Variants in COMMD1 observed in about 807,000 individuals in gnomAD.
The protein encoded by COMMD1 is COMM domain-containing protein 1.
A neutral mutation model predicts 17.2 loss-of-function variants in COMMD1; 10 were observed. The observed-to-expected ratio is 0.58, with a 90% CI of 0.36 to 0.99. The LOEUF (loss-of-function observed/expected upper bound fraction) is 0.99, where lower values mean the gene tolerates loss of function less well. Ranked by LOEUF, COMMD1 falls within the 50% of genes least tolerant of loss-of-function variation. COMMD1 has a pLI of 0.01. For synonymous variants in COMMD1, 97 were observed against 91.6 expected (o/e 1.06, Z -0.34); for missense variants, 270 against 231.8 (o/e 1.17, Z -1.07).
intron 2 of COMMD1, among the ~76,000 whole-genome samples, chr2:62,065,521 CAT>C (rs924891986): frequency 1.3e-5 from 2 of 151,668 alleles, no homozygotes; most frequent in African/African-American, 4.8e-5. Flanking sequence ...GACACAGTCT[CAT>C]ATGTTGCCCA....
intron 2 of COMMD1, among the ~76,000 whole-genome samples, chr2:62,100,010 G>A (rs990189260): frequency 6.6e-6 from 1 of 151,998 alleles, no homozygotes; most frequent in Non-Finnish European, 1.5e-5. Flanking sequence ...AGCCAATTGA[G>A]ATTAATTTTG....
intron 1 of COMMD1, among the ~76,000 whole-genome samples, chr2:61,957,421 C>T (rs940018603): frequency 5.3e-5 from 8 of 152,240 alleles, no homozygotes; most frequent in Non-Finnish European, 1.2e-4. Context: ...GAATAAAGTC[C>T]TATCTTTTCC....
chr2:62,019,023 T>TTCCCTCCCTCCCTCCCTCCCTCCC lies in COMMD1; in HGVS notation c.462+18064_462+18065insCTCCCTCCCTCCCTCCCTCCCTCC, dbSNP rs201583202. Among the ~76,000 whole-genome samples the TTCCCTCCCTCCCTCCCTCCCTCCC allele has an allele frequency of 1.3e-3, 168 of 129,398 alleles. 3 individuals are homozygous for TTCCCTCCCTCCCTCCCTCCCTCCC. Among genetic ancestry groups the TTCCCTCCCTCCCTCCCTCCCTCCC allele is most frequent in the African/African-American group, 4.9e-3 (128 of 25,864 alleles). 84.9% of individuals were successfully genotyped at this position (129,398 alleles called of 152,430 possible). On this transcript the variant is annotated intron_variant, in intron 2 of 2. Coordinates refer to ENST00000311832, the MANE Select transcript of COMMD1 (RefSeq NM_152516.4). ...CCACTCCTACAACCAACCAACCAAC[T>TTCCCTCCCTCCCTCCCTCCCTCCC]TCCCTCCCTCCCTCCCTCCCTCCTT... is the stretch of plus-strand genomic sequence containing the variant.
chr2:62,036,299 T>A (rs949545322), intron 2 of COMMD1, among the ~76,000 whole-genome samples: 3 of 152,222 alleles, frequency 2.0e-5, no homozygotes, highest in Non-Finnish European at 4.4e-5. Context: ...TTTTATCATA[T>A]CCTTACAATG....
intron 2 of COMMD1, among the ~76,000 whole-genome samples, chr2:62,128,013 C>G (rs1248151152): frequency 8.2e-6 from 1 of 122,558 alleles, no homozygotes; most frequent in Non-Finnish European, 1.6e-5. Context: ...CAGAGCGAGA[C>G]TCTATCTCAA....
intron 2 of COMMD1, among the ~76,000 whole-genome samples, chr2:62,067,446 G>C (rs551850058): frequency 6.6e-6 from 1 of 152,234 alleles, no homozygotes; most frequent in South Asian, 2.1e-4. Flanking sequence ...AAGCCCCATA[G>C]AGTTGTATGA....
chr2:62,042,948 C>G (rs1449386410), intron 2 of COMMD1, among the ~76,000 whole-genome samples: 1 of 152,176 alleles, frequency 6.6e-6, no homozygotes, highest in African/African-American at 2.4e-5. Context: ...TAAGGCCAAA[C>G]AATACTTCAA....
chr2:62,015,142 C>G (rs1026126546), intron 2 of COMMD1, among the ~76,000 whole-genome samples: 2 of 152,100 alleles, frequency 1.3e-5, no homozygotes, highest in African/African-American at 2.4e-5. Context: ...TTTTTTAAAT[C>G]CCAAACAGAA....
intron 2 of COMMD1, among the ~76,000 whole-genome samples, chr2:62,075,931 C>T (rs900557343): frequency 6.6e-6 from 1 of 152,216 alleles, no homozygotes; most frequent in African/African-American, 2.4e-5. Flanking sequence ...GCAAGAATAT[C>T]TCAGTCTGAG....
At chr2:61,987,982 A>G (rs955443427) in intron 1 of COMMD1, among the ~76,000 whole-genome samples, 5 of 152,122 alleles carry the variant, frequency 3.3e-5, no homozygotes, top group Non-Finnish European at 5.9e-5. Flanking sequence ...AGTATTGCCA[A>G]TGTTCACTTA....
chr2:61,953,403 C>T (rs1280176860), intron 1 of COMMD1, among the ~76,000 whole-genome samples: 2 of 127,954 alleles, frequency 1.6e-5, no homozygotes, highest in African/African-American at 3.0e-5. Context: ...GAGTCTCATT[C>T]TGTTGCCCAG....
At chr2:62,006,141 A>T (rs1438875471) in intron 2 of COMMD1, among the ~76,000 whole-genome samples, 13 of 141,240 alleles carry the variant, frequency 9.2e-5, no homozygotes, top group Non-Finnish European at 2.0e-4. Context: ...TGGGAATTGA[A>T]CAATGAGAAC....
chr2:61,908,302 C>G (rs1669822601), intron 1 of COMMD1, among the ~76,000 whole-genome samples: 1 of 151,206 alleles, frequency 6.6e-6, no homozygotes, highest in African/African-American at 2.4e-5. Context: ...TCTCGGCTCA[C>G]TACAACCTCC....
intron 2 of COMMD1, among the ~76,000 whole-genome samples, chr2:62,108,954 T>C (rs754430075): frequency 7.9e-5 from 12 of 152,200 alleles, no homozygotes; most frequent in Non-Finnish European, 7.3e-5. Flanking sequence ...ATTATCCCTT[T>C]AGATGATACT....
At chr2:62,119,933 T>C (rs1243421559) in intron 2 of COMMD1, among the ~76,000 whole-genome samples, 1 of 152,256 alleles carries the variant, frequency 6.6e-6, no homozygotes, top group Non-Finnish European at 1.5e-5. Flanking sequence ...CCTGTAGTGA[T>C]GTGCAGATGT....
intron 2 of COMMD1, among the ~76,000 whole-genome samples, chr2:62,027,119 C>T (rs191660687): frequency 1.3e-5 from 2 of 152,232 alleles, no homozygotes; most frequent in African/African-American, 4.8e-5. Context: ...AATCACTAGC[C>T]TAAAAGTGTA....
At chr2:62,109,171 A>G (rs911945069) in intron 2 of COMMD1, among the ~76,000 whole-genome samples, 2 of 152,194 alleles carry the variant, frequency 1.3e-5, no homozygotes, top group African/African-American at 4.8e-5. Flanking sequence ...CTTATTTCCT[A>G]TCTCTTAATT....
At chr2:62,014,976 G>A (rs1402937122) in intron 2 of COMMD1, among the ~76,000 whole-genome samples, 1 of 152,116 alleles carries the variant, frequency 6.6e-6, no homozygotes, top group South Asian at 2.1e-4. Flanking sequence ...CCAGGCTGGA[G>A]TACAGTGGCA....
chr2:62,042,773 A>G (rs551586487), intron 2 of COMMD1, among the ~76,000 whole-genome samples: 6 of 152,214 alleles, frequency 3.9e-5, no homozygotes, highest in Non-Finnish European at 7.4e-5. Context: ...GACTACAAGC[A>G]TAAGCCACCA....
Sources: gnomAD v4.1 joint callset for allele counts (sites outside exome capture counted in the v4.1 genomes callset) on GRCh38, gnomAD v4.1.1 for gene constraint, MANE v1.5 for transcripts, NCBI Gene and HGNC (gene_info 2026-07-23, HGNC 2026-07-21) for gene names.